ZMYND19: variants seen among roughly 807,000 people sequenced by gnomAD.
The protein encoded by ZMYND19 is zinc finger MYND-type containing 19.
Under a neutral mutation model 32.0 loss-of-function variants are expected in ZMYND19, and 17 were observed. The ratio of observed to expected loss-of-function variants is 0.53; its 90% CI spans 0.36 to 0.80. The LOEUF is 0.80. Among genes scored for constraint, ZMYND19 ranks in the 30% least tolerant of loss-of-function variants. The pLI is 0.00. For missense variants in ZMYND19, 250 were observed against 293.6 expected, an observed-to-expected ratio of 0.85 and a Z score of 1.09; for synonymous variants, 124 against 113.6, an observed-to-expected ratio of 1.09 and a Z score of -0.58.
Position 137,590,199 on chromosome 9 carries a change from T to C in ZMYND19, c.51+14A>G. 2 of 1,095,070 alleles carry C rather than the reference T, an allele frequency of 1.8e-6. No homozygotes were observed. The highest frequency in any genetic ancestry group is 8.3e-5 in the East Asian group (1 of 12,016). 67.8% of individuals were successfully genotyped at this position (1,095,070 alleles called of 1,614,324 possible). ...GGGCGAGACGGGCCGGGTCGCGGGC[T>C]CCGCGCCGCTCACCTTCCCGGCCAC... On this transcript the variant is annotated intron_variant, in intron 1 of 5. Coordinates refer to ENST00000298585, the MANE Select transcript of ZMYND19 (RefSeq NM_138462.3). The surrounding 1 kb of genome is among the most constrained non-coding windows in gnomAD (Gnocchi z 4.2).
At chr9:137,587,161 TCA>T (rs1353031881) in intron 3 of ZMYND19, 54 bp from the exon 4 acceptor site, 10 of 1,582,308 alleles carry the variant, frequency 6.3e-6, no homozygotes, top group Non-Finnish European at 5.1e-6. Flanking sequence ...CCTCCCACCC[TCA>T]CAGACATTTC....
chr9:137,590,232 A>G lies in ZMYND19; in HGVS notation c.32T>C (p.Leu11Pro). Residue 11 changes from leucine (L) to proline (P), a missense_variant, in exon 1 of 6, where the codon CTC becomes CCC. By Grantham distance (98) the Leu-to-Pro change is moderately conservative (BLOSUM62 -3). This residue lies in a region of ZMYND19 where 212 missense variants were observed against 218.8 expected (regional missense o/e 0.97). Transcript: ENST00000298585. This position sits in a 1 kb window ranked among gnomAD's most constrained non-coding sequence, Gnocchi z 4.2. MTDFKLGIVR[L>P]GRVAGKTKYT... ...GCTCACCTTCCCGGCCACCCGGCCG[A>G]GCCGCACGATACCCAATTTGAAGTC... 1 of 1,146,802 alleles carries G rather than the reference A, an allele frequency of 8.7e-7. No homozygotes were observed. The highest frequency in any genetic ancestry group is 1.1e-6 in the Non-Finnish European group (1 of 918,070). The allele number at this position is 1,146,802 out of a possible 1,614,324, so 71.0% of individuals were successfully genotyped here.
rs1316042565 is a variant in ZMYND19 at position 137,587,502 on chromosome 9, G to C, written c.218+215C>G. On this transcript the variant is annotated intron_variant, in intron 3 of 5. Coordinates refer to ENST00000298585, the MANE Select transcript of ZMYND19 (RefSeq NM_138462.3). ...TCCCTCCAGAGGCTGCCGGTCCTGG[G>C]CAAGCTCCCAGCAGAAAGTCCACTT... is the stretch of plus-strand genomic sequence containing the variant. 4.9e-6 allele frequency: 3 copies of C among 609,614 alleles called. No homozygotes were observed. In the South Asian group the frequency reaches 5.9e-5, roughly 12 times the overall value. The allele number at this position is 609,614 out of a possible 1,614,324, so 37.8% of individuals were successfully genotyped here.
rs540517923 is a variant in ZMYND19 at position 137,589,782 on chromosome 9, G to A, written c.51+431C>T. 7.0e-4 allele frequency: 692 copies of A among 985,492 alleles called. 3 individuals carry two copies. In the African/African-American group the frequency reaches 0.011, roughly 16 times the overall value. 61.0% of individuals were successfully genotyped at this position (985,492 alleles called of 1,614,324 possible). On this transcript the variant is annotated intron_variant, in intron 1 of 5. Coordinates refer to ENST00000298585, the MANE Select transcript of ZMYND19 (RefSeq NM_138462.3). Reference sequence around the variant, plus strand: ...CACACCAGACCCGCCTCGGCGAGAGGTGTGGAAGTGGCGCTGCCTCGGAAA... The same window carrying A: ...CACACCAGACCCGCCTCGGCGAGAGATGTGGAAGTGGCGCTGCCTCGGAAA...
In ZMYND19 at chr9:137,590,351, G is replaced by C; in HGVS notation, c.-88C>G. 4 of 855,800 alleles carry C rather than the reference G, an allele frequency of 4.7e-6. No individual in the cohort carries two copies. Among genetic ancestry groups the C allele is most frequent in the Non-Finnish European group, 4.2e-6 (3 of 710,340 alleles). The allele number at this position is 855,800 out of a possible 1,614,324, so 53.0% of individuals were successfully genotyped here. On this transcript the variant is annotated 5_prime_UTR_variant, in exon 1 of 6. Coordinates refer to ENST00000298585, the MANE Select transcript of ZMYND19 (RefSeq NM_138462.3). The surrounding 1 kb of genome is among the most constrained non-coding windows in gnomAD (Gnocchi z 4.2). ...GGCGAGGCCGCGGCGCGCCGGGACAGGACGGGACCGGAGCCGGGGTCGGGG... is the reference window on the plus strand; with the variant it reads ...GGCGAGGCCGCGGCGCGCCGGGACACGACGGGACCGGAGCCGGGGTCGGGG...
At chr9:137,589,323 G>C in intron 1 of ZMYND19, 7 of 984,680 alleles carry the variant, frequency 7.1e-6, no homozygotes, top group Non-Finnish European at 8.4e-6. Context: ...CTTGCAGCAG[G>C]GGCAGGAAAC....
chr9:137,585,197 CG>C (rs1368795543), intron 4 of ZMYND19, among the ~76,000 whole-genome samples: 3 of 151,728 alleles, frequency 2.0e-5, no homozygotes, highest in Non-Finnish European at 4.4e-5. Flanking sequence ...CTGAGGCAGG[CG>C]GATCACCTGA....
At chr9:137,586,940 G>C (rs1842211757) in intron 4 of ZMYND19, 27 bp downstream of exon 4, 1 of 1,610,486 alleles carries the variant, frequency 6.2e-7, no homozygotes, top group Non-Finnish European at 8.5e-7. Flanking sequence ...GCCTCTGCTG[G>C]CATCGCCAGG....
intron 3 of ZMYND19, chr9:137,587,481 T>A: frequency 1.7e-6 from 1 of 602,932 alleles, no homozygotes; most frequent in Non-Finnish European, 2.9e-6. Context: ...CCACCGTCCC[T>A]CCAGAGGCTG....
At chr9:137,586,795 T>G (rs78308012) in intron 4 of ZMYND19, among the ~76,000 whole-genome samples, 172 bp downstream of exon 4, 2,678 of 152,224 alleles carry the variant, frequency 0.018, 76 homozygotes, top group Non-Finnish European at 0.018. Context: ...CCCGCTCCCA[T>G]GAAGAAAAGG....
intron 4 of ZMYND19, among the ~76,000 whole-genome samples, chr9:137,584,014 C>A (rs1842176896): frequency 6.6e-6 from 1 of 152,134 alleles, no homozygotes; most frequent in South Asian, 2.1e-4. Flanking sequence ...ACGCACAGCA[C>A]CCAGCCAGTC....
intron 1 of ZMYND19, chr9:137,589,772 T>G (rs1029671286): frequency 5.1e-6 from 5 of 985,320 alleles, no homozygotes; most frequent in Non-Finnish European, 6.0e-6. Context: ...CAGACCCGCC[T>G]CGGCGAGAGG....
In ZMYND19 at chr9:137,590,087, G is replaced by T; in HGVS notation, c.51+126C>A. 1 of 982,832 alleles carries T rather than the reference G, an allele frequency of 1.0e-6. No homozygotes were observed. The highest frequency in any genetic ancestry group is 1.2e-6 in the Non-Finnish European group (1 of 828,860). 60.9% of individuals were successfully genotyped at this position (982,832 alleles called of 1,614,324 possible). A position where few individuals can be genotyped will look rare whatever the true frequency, so the allele number is the denominator to read the frequency against. The stretch of plus-strand genomic sequence containing the variant: ...CAGCCGGGCCCGCGCAGCGTCCCCC[G>T]CCCCGCTGGGGCCCATCCCGGGCTC... On this transcript the variant is annotated intron_variant, in intron 1 of 5. Transcript: ENST00000298585. This position sits in a 1 kb window ranked among gnomAD's most constrained non-coding sequence, Gnocchi z 4.2.
At position 137,582,535 on chromosome 9, in the gene ZMYND19, C is replaced by T; in HGVS notation, c.*8G>A. On this transcript the variant is annotated 3_prime_UTR_variant, in exon 6 of 6. Coordinates refer to ENST00000298585, the MANE Select transcript of ZMYND19 (RefSeq NM_138462.3). Reference sequence around the variant, plus strand: ...GGGGGCTGTGAGTATGTGTGGCTCCCCTGCCCGTCATCGCTCTGGCTCAAG... The same window carrying T: ...GGGGGCTGTGAGTATGTGTGGCTCCTCTGCCCGTCATCGCTCTGGCTCAAG... The T allele has an allele frequency of 6.2e-7, 1 of 1,611,080 alleles. No individual in the cohort carries two copies. The highest frequency in any genetic ancestry group is 8.5e-7 in the Non-Finnish European group (1 of 1,179,622).
intron 3 of ZMYND19, 76 bp from the exon 4 acceptor site, chr9:137,587,183 A>T: frequency 6.5e-7 from 1 of 1,548,424 alleles, no homozygotes. Context: ...CTGGTCAGGT[A>T]CCAAAGTCCT....
chr9:137,582,863 C>A, intron 5 of ZMYND19, 120 bp downstream of exon 5: 2 of 1,517,998 alleles, frequency 1.3e-6, no homozygotes, highest in South Asian at 2.5e-5. Flanking sequence ...GTGGAAAAGC[C>A]CAAGAGGTGC....
rs1016003743 is a variant in ZMYND19 at position 137,588,820 on chromosome 9, G to T, written c.52-102C>A. The T allele has an allele frequency of 2.9e-6, 4 of 1,370,986 alleles. No individual in the cohort carries two copies. In the African/African-American group the frequency reaches 4.3e-5, roughly 15 times the overall value. 84.9% of individuals were successfully genotyped at this position (1,370,986 alleles called of 1,614,324 possible). On this transcript the variant is annotated intron_variant, in intron 1 of 5. Coordinates refer to ENST00000298585, the MANE Select transcript of ZMYND19 (RefSeq NM_138462.3). ...GCAGGAGCCTGTTGCATTTTCCTGTGAAGTGGAAAGTAACTACAGGCCTCT... is the reference window on the plus strand; with the variant it reads ...GCAGGAGCCTGTTGCATTTTCCTGTTAAGTGGAAAGTAACTACAGGCCTCT...
intron 4 of ZMYND19, among the ~76,000 whole-genome samples, chr9:137,583,715 C>G (rs1036629852): frequency 6.6e-6 from 1 of 152,162 alleles, no homozygotes; most frequent in Non-Finnish European, 1.5e-5. Context: ...AACCACCCCA[C>G]CAACCCCGTT....
intron 3 of ZMYND19, 126 bp from the exon 4 acceptor site, chr9:137,587,233 C>T: frequency 6.8e-7 from 1 of 1,466,520 alleles, no homozygotes; most frequent in Non-Finnish European, 9.1e-7. Flanking sequence ...GATCGGGCCC[C>T]TGGTCCTTTG....
Sources: allele counts gnomAD v4.1 joint callset (sites outside exome capture counted in the v4.1 genomes callset), GRCh38; gene constraint gnomAD v4.1.1; regional missense constraint gnomAD v4.1.1; non-coding constraint Gnocchi (gnomAD v3.1); transcripts MANE v1.5; gene names NCBI Gene and HGNC (gene_info 2026-07-23, HGNC 2026-07-21).